The following DIDO1 variants were observed in gnomAD, a reference collection of about 807,000 sequenced individuals.
DIDO1 encodes death inducer-obliterator 1, also known as death-inducer obliterator 1.
DIDO1 carries 16 observed loss-of-function variants against 99.4 expected under a neutral mutation model. The ratio of observed to expected loss-of-function variants is 0.16; its 90% CI spans 0.11 to 0.24. The LOEUF is 0.24. Ranked by LOEUF, DIDO1 falls within the 10% of genes least tolerant of loss-of-function variation. The pLI is 1.00. For missense variants in DIDO1, 2,996 were observed against 3,014.0 expected, an observed-to-expected ratio of 0.99 and a Z score of 0.14; for synonymous variants, 1,366 against 1,239.1, an observed-to-expected ratio of 1.10 and a Z score of -2.15.
chr20:62,903,422 TCA>T (rs1333127116), intron 6 of DIDO1, among the ~76,000 whole-genome samples: 1 of 152,148 alleles, frequency 6.6e-6, no homozygotes, highest in East Asian at 1.9e-4. Context: ...GTGAGTCAGC[TCA>T]TGGGACAGAC....
intron 15 of DIDO1, 55 bp downstream of exon 15, chr20:62,890,902 GGGA>G (rs763069152): frequency 6.2e-7 from 1 of 1,612,042 alleles, no homozygotes; most frequent in Non-Finnish European, 8.5e-7. Flanking sequence ...GCATGTCAGT[GGGA>G]GGAGGGGTGC....
chr20:62,910,660 T>C (rs1236085678), intron 3 of DIDO1, 114 bp downstream of exon 3: 2 of 1,261,878 alleles, frequency 1.6e-6, no homozygotes, highest in Non-Finnish European at 2.2e-6. Flanking sequence ...AACTTGTTCA[T>C]CTTTTCCAAC....
At chr20:62,917,211 TG>T (rs1004092115) in intron 1 of DIDO1, among the ~76,000 whole-genome samples, 10 of 152,024 alleles carry the variant, frequency 6.6e-5, no homozygotes, top group African/African-American at 2.4e-4. Context: ...CATTTTTTTT[TG>T]TAGAGACAGG....
intron 6 of DIDO1, among the ~76,000 whole-genome samples, chr20:62,898,919 T>TCC (rs2064598388): frequency 6.6e-6 from 1 of 152,212 alleles, no homozygotes; most frequent in Non-Finnish European, 1.5e-5. Flanking sequence ...ACAACTCAGT[T>TCC]TAACTCATTA....
rs1434223324 is a variant in DIDO1, at chr20:62,880,889, C to A, written c.5067G>T (p.Ala1689=). 2 of 1,612,024 alleles carry A rather than the reference C, an allele frequency of 1.2e-6. No homozygotes were observed. The highest frequency in any genetic ancestry group is 2.2e-5 in the East Asian group (1 of 44,872). The part of the protein sequence containing the change: ...ERDPFTCPGF[A]SQDKALGSAQ... ...CTGAGCCGAGAGCCTTGTCCTGCGA[C>A]GCGAACCCCGGGCAGGTGAAAGGGT... Residue 1689 remains alanine, a synonymous_variant, in exon 16 of 16, where the codon GCG becomes GCT. Coordinates refer to ENST00000395343, the MANE Select transcript of DIDO1 (RefSeq NM_001193369.2).
upstream of DIDO1, among the ~76,000 whole-genome samples, chr20:62,926,926 AAAG>A (rs1229249057): frequency 6.6e-6 from 1 of 152,178 alleles, no homozygotes. Context: ...ACAGGGGATA[AAAG>A]AAGAAAAGGC....
chr20:62,905,156 A>G (rs1371556681), intron 6 of DIDO1: 1 of 1,042,028 alleles, frequency 9.6e-7, no homozygotes, highest in Non-Finnish European at 1.2e-6. Flanking sequence ...GAGTCTAAAC[A>G]TTCAAGAGAC....
chr20:62,913,950 T>C (rs1437926134), intron 2 of DIDO1, among the ~76,000 whole-genome samples: 1 of 152,274 alleles, frequency 6.6e-6, no homozygotes, highest in Non-Finnish European at 1.5e-5. Flanking sequence ...TACACTGTTT[T>C]ATAACATTTT....
chr20:62,907,070 A>C (rs934336624), intron 5 of DIDO1, 77 bp downstream of exon 5: 2 of 1,517,088 alleles, frequency 1.3e-6, no homozygotes, highest in Non-Finnish European at 1.8e-6. Context: ...CACACGGTCT[A>C]CAAACCAACA....
At chr20:62,931,340 C>CT (rs539950488), upstream of DIDO1, among the ~76,000 whole-genome samples, 221 of 152,262 alleles carry the variant, frequency 1.5e-3, no homozygotes, top group African/African-American at 4.9e-3. Flanking sequence ...TCTAAGGTGT[C>CT]TAAGTTTTCT....
At position 62,906,026 on chromosome 20, in the gene DIDO1, C is replaced by A; in HGVS notation, c.1449G>T (p.Val483=). ...EKKETTVKKA[V]VVPARSEALG... ...GTGCTTCACTCCGCGCAGGGACCAC[C>A]ACTGCCTTCTTCACTGTGGTCTCTT... Residue 483 remains valine (V), a synonymous_variant, in exon 6 of 16, where the codon GTG becomes GTT. Coordinates refer to ENST00000395343, the MANE Select transcript of DIDO1 (RefSeq NM_001193369.2). 1 of 1,614,008 alleles carries A rather than the reference C, an allele frequency of 6.2e-7. No individual in the cohort carries two copies. Among genetic ancestry groups the A allele is most frequent in the East Asian group, 2.2e-5 (1 of 44,890 alleles).
intron 15 of DIDO1, among the ~76,000 whole-genome samples, chr20:62,885,954 T>C (rs1334662852): frequency 6.6e-6 from 1 of 152,182 alleles, no homozygotes; most frequent in Non-Finnish European, 1.5e-5. Flanking sequence ...GCAGTCGAGG[T>C]TGCCCAGGGG....
intron 1 of DIDO1, among the ~76,000 whole-genome samples, chr20:62,937,329 CGCAAATACCCAAGTGCG>C (rs2065400141): frequency 6.6e-6 from 1 of 152,212 alleles, no homozygotes; most frequent in African/African-American, 2.4e-5. Context: ...CAAGTAAACG[CGCAAATACCCAAGTGCG>C]GCCTCAACCC....
intron 1 of DIDO1, among the ~76,000 whole-genome samples, chr20:62,916,068 CATATGT>C (rs2065031653): frequency 6.6e-6 from 1 of 152,160 alleles, no homozygotes; most frequent in African/African-American, 2.4e-5. Context: ...AAAATAAAAA[CATATGT>C]ATATCAAGGC....
chr20:62,912,937 CAGG>C (rs746498566), intron 2 of DIDO1, among the ~76,000 whole-genome samples: 3 of 152,184 alleles, frequency 2.0e-5, no homozygotes, highest in Admixed American at 6.5e-5. Flanking sequence ...GAGGCTGAGG[CAGG>C]AGAATTGCTT....
At chr20:62,900,844 C>T (rs2147444235) in intron 6 of DIDO1, among the ~76,000 whole-genome samples, 1 of 152,330 alleles carries the variant, frequency 6.6e-6, no homozygotes, top group South Asian at 2.1e-4. Flanking sequence ...AGGGCTGTTT[C>T]TATGCTATGC....
chr20:62,929,534 C>T (rs1382159469), upstream of DIDO1, among the ~76,000 whole-genome samples: 1 of 151,602 alleles, frequency 6.6e-6, no homozygotes, highest in Non-Finnish European at 1.5e-5. Context: ...GGTCGTGAGT[C>T]GTGTCTGTGC....
intron 6 of DIDO1, chr20:62,905,427 C>A: frequency 1.3e-6 from 2 of 1,500,824 alleles, no homozygotes; most frequent in Non-Finnish European, 1.8e-6. Context: ...ATTCCCACAA[C>A]ATAAAAAAGA....
intron 15 of DIDO1, chr20:62,888,173 G>T (rs1176810865): frequency 2.0e-6 from 2 of 985,422 alleles, no homozygotes; most frequent in Non-Finnish European, 2.4e-6. Context: ...CACTGAGGGG[G>T]CTAGGACTGG....
Sources: allele counts gnomAD v4.1 joint callset (sites outside exome capture counted in the v4.1 genomes callset), GRCh38; gene constraint gnomAD v4.1.1; transcripts MANE v1.5; gene names NCBI Gene and HGNC (gene_info 2026-07-23, HGNC 2026-07-21).